PTPRT: variants seen among roughly 807,000 people sequenced by gnomAD.
The protein encoded by PTPRT is protein tyrosine phosphatase receptor type T.
A neutral mutation model predicts 176.8 loss-of-function variants in PTPRT; 56 were observed. The ratio of observed to expected loss-of-function variants is 0.32; its 90% CI spans 0.26 to 0.40. The LOEUF is 0.40. Ranked by LOEUF, PTPRT falls within the 10% of genes least tolerant of loss-of-function variation. The pLI is 1.00. For synonymous variants in PTPRT, 783 were observed against 739.0 expected, an observed-to-expected ratio of 1.06 and a Z score of -0.96; for missense variants, 1,540 against 1,908.2, an observed-to-expected ratio of 0.81 and a Z score of 3.60.
intron 6 of PTPRT, among the ~76,000 whole-genome samples, chr20:42,735,755 C>T (rs1334531532): frequency 6.6e-6 from 1 of 152,004 alleles, no homozygotes; most frequent in Non-Finnish European, 1.5e-5. Flanking sequence ...GGAGCCAGCC[C>T]TGCTCTGGGG....
At chr20:43,024,625 G>A (rs1985840400) in intron 1 of PTPRT, among the ~76,000 whole-genome samples, 1 of 150,556 alleles carries the variant, frequency 6.6e-6, no homozygotes, top group Non-Finnish European at 1.5e-5. Context: ...ACATTCCCAT[G>A]TGAATTGAAT....
intron 1 of PTPRT, among the ~76,000 whole-genome samples, chr20:43,141,602 A>G (rs1012186739): frequency 2.0e-5 from 3 of 152,228 alleles, no homozygotes; most frequent in African/African-American, 7.2e-5. Context: ...TTCAAAGGGT[A>G]GAGAAATAGA....
intron 7 of PTPRT, among the ~76,000 whole-genome samples, chr20:42,548,550 A>G (rs1601243020): frequency 6.6e-6 from 1 of 152,156 alleles, no homozygotes. Context: ...AAGAGAAAAT[A>G]TAGAAGACTA....
At chr20:42,491,076 C>A (rs141956130) in intron 7 of PTPRT, among the ~76,000 whole-genome samples, 10 of 151,780 alleles carry the variant, frequency 6.6e-5, no homozygotes, top group African/African-American at 2.4e-4. Context: ...GTGAATTGCA[C>A]GAACATTGAA....
chr20:42,683,164 C>T (rs2075632367), intron 6 of PTPRT, among the ~76,000 whole-genome samples: 1 of 152,228 alleles, frequency 6.6e-6, no homozygotes, highest in Non-Finnish European at 1.5e-5. Context: ...TAGCCACCAA[C>T]ACAAACACAT....
chr20:42,372,741 G>A (rs535783282), intron 9 of PTPRT, among the ~76,000 whole-genome samples: 218 of 152,268 alleles, frequency 1.4e-3, no homozygotes, highest in Middle Eastern at 0.01. Flanking sequence ...TCAGGAAAAG[G>A]ATTAGCGCCC....
At chr20:43,095,191 C>A (rs74794612) in intron 1 of PTPRT, among the ~76,000 whole-genome samples, 8,626 of 152,100 alleles carry the variant, frequency 0.057, 318 homozygotes, top group South Asian at 0.1. Context: ...GGTTGGTGCA[C>A]CCCAGACTCT....
intron 17 of PTPRT, among the ~76,000 whole-genome samples, chr20:42,144,643 T>G (rs528772659): frequency 1.3e-5 from 2 of 152,312 alleles, no homozygotes; most frequent in African/African-American, 4.8e-5. Flanking sequence ...ATAGAAAAGC[T>G]GCAGAAGCAT....
chr20:42,719,403 T>A (rs2076273629), intron 6 of PTPRT, among the ~76,000 whole-genome samples: 1 of 152,144 alleles, frequency 6.6e-6, no homozygotes, highest in African/African-American at 2.4e-5. Flanking sequence ...GTAGAAATTG[T>A]TAAGAAACCA....
At chr20:42,996,372 T>A (rs1984224422) in intron 1 of PTPRT, among the ~76,000 whole-genome samples, 1 of 151,762 alleles carries the variant, frequency 6.6e-6, no homozygotes, top group South Asian at 2.1e-4. Context: ...ATATGAGAAG[T>A]GAGATTTGAA....
rs892658571 is a variant in PTPRT at position 42,885,706 on chromosome 20, C to G, written c.214+101G>C. The stretch of plus-strand genomic sequence containing the variant: ...TCACTACCTACAGAGCTATCGATTG[C>G]CATCTCAGAGAGCTCAATGTGTAAG... On this transcript the variant is annotated intron_variant, in intron 2 of 30. Coordinates refer to ENST00000373187, the MANE Select transcript of PTPRT (RefSeq NM_007050.6). 2.8e-6 allele frequency: 4 copies of G among 1,438,594 alleles called. No individual in the cohort carries two copies. The East Asian group carries it at 1.0e-4, about 36-fold the overall frequency. 89.1% of individuals were successfully genotyped at this position (1,438,594 alleles called of 1,614,324 possible). A position where few individuals can be genotyped will look rare whatever the true frequency, so the allele number is the denominator to read the frequency against.
intron 1 of PTPRT, among the ~76,000 whole-genome samples, chr20:42,935,743 A>C (rs886797013): frequency 6.6e-6 from 1 of 152,098 alleles, no homozygotes; most frequent in African/African-American, 2.4e-5. Context: ...AGTCCAGTCT[A>C]TTCTTCTATT....
At chr20:42,752,738 G>A (rs2076784269) in intron 6 of PTPRT, among the ~76,000 whole-genome samples, 1 of 152,140 alleles carries the variant, frequency 6.6e-6, no homozygotes, top group African/African-American at 2.4e-5. Context: ...AAATACTTCA[G>A]TATTAAAGTA....
Position 43,100,842 on chromosome 20 carries a change from T to C in PTPRT, c.88+88804A>G, listed in dbSNP as rs916793843. ...CTAGGCTACGTTATGAAGATGACAT[T>C]TCCCATGCAAATACACATAAACGTG... On this transcript the variant is annotated intron_variant, in intron 1 of 30. Transcript: ENST00000373187. 9.9e-5 allele frequency among the ~76,000 whole-genome samples: 15 copies of C among 151,024 alleles called. 2 individuals carry two copies. The highest frequency in any genetic ancestry group is 3.7e-4 in the African/African-American group (15 of 40,406).
chr20:42,379,219 T>G (rs1366753903), intron 9 of PTPRT, among the ~76,000 whole-genome samples: 2 of 152,228 alleles, frequency 1.3e-5, no homozygotes, highest in Non-Finnish European at 2.9e-5. Flanking sequence ...GTGATGAACT[T>G]CCAATTTTCT....
intron 1 of PTPRT, among the ~76,000 whole-genome samples, chr20:42,964,497 A>C (rs1982181347): frequency 6.7e-6 from 1 of 149,394 alleles, no homozygotes; most frequent in Non-Finnish European, 1.5e-5. Context: ...ATGCATTGAG[A>C]TATAGAAAGG....
rs767977370 is a variant in PTPRT, at chr20:42,199,260, G to A, written c.2471C>T (p.Ser824Phe). The A allele has an allele frequency of 1.2e-6, 2 of 1,614,150 alleles. No homozygotes were observed. Among genetic ancestry groups the A allele is most frequent in the Middle Eastern group, 1.6e-4 (1 of 6,062 alleles). Residue 824 changes from serine (S) to phenylalanine (F), a missense_variant, in exon 16 of 31, where the codon TCT becomes TTT. Ser to Phe is a radical substitution (Grantham distance 155). Transcript: ENST00000373187. ...CTTACTGAATCCGTTGACGTCCTGA[G>A]AACTAGAAGAGAAGCCTTCATCATT... ...SRNDEGFSSS[S>F]QDVNGFTDGS...
chr20:42,160,569 T>A (rs1334178640), intron 17 of PTPRT, among the ~76,000 whole-genome samples: 1 of 151,946 alleles, frequency 6.6e-6, no homozygotes, highest in Non-Finnish European at 1.5e-5. Flanking sequence ...AAGAAGACTT[T>A]GAGGAGAAAT....
At chr20:42,921,480 G>A (rs1219648597) in intron 1 of PTPRT, among the ~76,000 whole-genome samples, 3 of 152,286 alleles carry the variant, frequency 2.0e-5, no homozygotes, top group East Asian at 3.9e-4. Context: ...AGCTACTCAG[G>A]AGGCTGAGGT....
Sources: gnomAD v4.1 joint callset for allele counts (sites outside exome capture counted in the v4.1 genomes callset) on GRCh38, gnomAD v4.1.1 for gene constraint, MANE v1.5 for transcripts, NCBI Gene and HGNC (gene_info 2026-07-23, HGNC 2026-07-21) for gene names.